The following ICA1 variants were observed in gnomAD, a reference collection of about 807,000 sequenced individuals.
ICA1 encodes the protein 69 kDa islet cell autoantigen.
In ICA1, 40 loss-of-function variants were observed where a neutral mutation model predicts 71.0. The observed-to-expected ratio is 0.56, with a 90% CI of 0.44 to 0.73. ICA1 has a LOEUF of 0.73. ICA1 is among the 30% of genes least tolerant of loss of function. The pLI is 0.00. For synonymous variants in ICA1, 207 were observed against 209.5 expected (o/e 0.99, Z 0.10); for missense variants, 578 against 576.5 (o/e 1.00, Z -0.03).
At chr7:8,242,873 T>C (rs567620289) in intron 1 of ICA1, among the ~76,000 whole-genome samples, 8 of 152,224 alleles carry the variant, frequency 5.3e-5, no homozygotes, top group South Asian at 2.1e-4. Flanking sequence ...CAGGAAGAAA[T>C]TGAATCTCTG....
intron 6 of ICA1, among the ~76,000 whole-genome samples, chr7:8,169,439 A>G (rs10085429): frequency 0.41 from 63,074 of 151,992 alleles, 17,529 homozygotes; most frequent in African/African-American, 0.8. Flanking sequence ...ACATTGCCAA[A>G]CCATTTTCCA....
chr7:8,254,054 A>C (rs1809160461), intron 1 of ICA1, among the ~76,000 whole-genome samples: 1 of 152,224 alleles, frequency 6.6e-6, no homozygotes, highest in Non-Finnish European at 1.5e-5. Flanking sequence ...ATGACTCCAC[A>C]GAACCTCCTG....
intron 6 of ICA1, among the ~76,000 whole-genome samples, chr7:8,210,674 G>A (rs995855512): frequency 2.0e-5 from 3 of 151,940 alleles, no homozygotes; most frequent in Non-Finnish European, 4.4e-5. Context: ...GAACACAAAG[G>A]TGGGTTGTCT....
intron 6 of ICA1, among the ~76,000 whole-genome samples, chr7:8,205,078 C>CA (rs56223249): frequency 0.035 from 3,859 of 109,536 alleles, 143 homozygotes; most frequent in African/African-American, 0.11. Context: ...GGAAGACATG[C>CA]AAAAAAAAAA....
chr7:8,163,039 C>T (rs1257503162), intron 6 of ICA1, among the ~76,000 whole-genome samples: 1 of 152,254 alleles, frequency 6.6e-6, no homozygotes, highest in Non-Finnish European at 1.5e-5. Flanking sequence ...GCTAGGATTA[C>T]AGCTATGAGC....
intron 12 of ICA1, among the ~76,000 whole-genome samples, chr7:8,131,855 C>T (rs1343421486): frequency 1.3e-5 from 2 of 152,214 alleles, no homozygotes; most frequent in Admixed American, 1.3e-4. Flanking sequence ...AATGGAGACA[C>T]ATGCAGAGAT....
Position 8,127,870 on chromosome 7 carries a change from T to C in ICA1, c.1330+3A>G, listed in dbSNP as rs766085424. 12 of 1,601,788 alleles carry C rather than the reference T, an allele frequency of 7.5e-6. No homozygotes were observed. The highest frequency in any genetic ancestry group is 6.7e-5 in the East Asian group (3 of 44,616). On this transcript the variant is annotated splice_donor_region_variant and intron_variant, in intron 13 of 13. Transcript: ENST00000402384. ...ACCCCATTTCAATCCCCACCTTACC[T>C]ACCTTGTAGCGAGGCCTGTAAGTCT... is the stretch of plus-strand genomic sequence containing the variant.
intron 1 of ICA1, among the ~76,000 whole-genome samples, chr7:8,240,272 A>G (rs1216742119): frequency 7.1e-6 from 1 of 140,788 alleles, no homozygotes; most frequent in Non-Finnish European, 1.5e-5. Flanking sequence ...ACCCAGGCAA[A>G]CAGAGTCTGG....
chr7:8,152,692 C>CCCCCACCACTACCACCATCA (rs1799558517), intron 8 of ICA1, among the ~76,000 whole-genome samples: 1 of 151,750 alleles, frequency 6.6e-6, no homozygotes, highest in African/African-American at 2.4e-5. Flanking sequence ...ATCACCACTA[C>CCCCCACCACTACCACCATCA]CCCCACCACT....
chr7:8,246,508 T>C (rs1583776064), intron 1 of ICA1, among the ~76,000 whole-genome samples: 1 of 152,294 alleles, frequency 6.6e-6, no homozygotes, highest in East Asian at 1.9e-4. Context: ...TCTTCTTAGG[T>C]GACACTGAGA....
intron 1 of ICA1, among the ~76,000 whole-genome samples, chr7:8,253,219 G>T (rs1194795374): frequency 6.6e-6 from 1 of 152,154 alleles, no homozygotes; most frequent in East Asian, 1.9e-4. Context: ...TTTCTGCTCA[G>T]AATCTCTGAC....
chr7:8,248,071 T>C (rs1179532910), intron 1 of ICA1, among the ~76,000 whole-genome samples: 1 of 152,234 alleles, frequency 6.6e-6, no homozygotes, highest in East Asian at 1.9e-4. Context: ...CTTTTTAATA[T>C]GGAACTGGCT....
chr7:8,184,845 C>T (rs1007165860), intron 6 of ICA1, among the ~76,000 whole-genome samples: 10 of 152,122 alleles, frequency 6.6e-5, no homozygotes, highest in South Asian at 2.1e-4. Flanking sequence ...GAGGCCAGGG[C>T]GGGCAGATCA....
At chr7:8,221,461 G>C (rs1012084512) in intron 4 of ICA1, 63 bp from the exon 5 acceptor site, 1 of 1,576,524 alleles carries the variant, frequency 6.3e-7, no homozygotes, top group African/African-American at 1.4e-5. Context: ...AAGGGAACAA[G>C]AAAGACAAAT....
At chr7:8,224,719 A>G (rs1019991669) in intron 4 of ICA1, among the ~76,000 whole-genome samples, 2 of 152,172 alleles carry the variant, frequency 1.3e-5, no homozygotes, top group African/African-American at 2.4e-5. Flanking sequence ...ACAGGATCCA[A>G]TCTAGGGTCT....
intron 4 of ICA1, 141 bp from the exon 5 acceptor site, chr7:8,221,539 T>C (rs1583418831): frequency 1.1e-6 from 1 of 891,100 alleles, no homozygotes; most frequent in Non-Finnish European, 1.7e-6. Flanking sequence ...GGCTACAGGG[T>C]AAGCTCCCCC....
chr7:8,180,380 G>T (rs1781839873), intron 6 of ICA1, among the ~76,000 whole-genome samples: 1 of 151,888 alleles, frequency 6.6e-6, no homozygotes. Flanking sequence ...ATTACTGTAT[G>T]GTATCCTATT....
intron 6 of ICA1, among the ~76,000 whole-genome samples, chr7:8,205,691 T>C (rs1791263323): frequency 6.6e-6 from 1 of 152,292 alleles, no homozygotes; most frequent in African/African-American, 2.4e-5. Context: ...GGAACATAAA[T>C]CCTCTTGGGT....
chr7:8,233,971 C>G (rs574579333), intron 2 of ICA1, among the ~76,000 whole-genome samples: 27 of 152,228 alleles, frequency 1.8e-4, no homozygotes, highest in African/African-American at 6.3e-4. Context: ...GCCTTTAATT[C>G]TAGCACTTTG....
Sources: gnomAD v4.1 joint callset for allele counts (sites outside exome capture counted in the v4.1 genomes callset) on GRCh38, gnomAD v4.1.1 for gene constraint, MANE v1.5 for transcripts, NCBI Gene and HGNC (gene_info 2026-07-23, HGNC 2026-07-21) for gene names.